IFT140: variants seen among roughly 807,000 people sequenced by gnomAD.
The protein encoded by IFT140 is intraflagellar transport 140.
Under a neutral mutation model 164.6 loss-of-function variants are expected in IFT140, and 133 were observed. The observed-to-expected ratio is 0.81, with a 90% CI of 0.70 to 0.93. The LOEUF is 0.93. Ranked by LOEUF, IFT140 falls within the 40% of genes least tolerant of loss-of-function variation. IFT140 has a pLI of 0.00. For missense variants in IFT140, 2,045 were observed against 1,972.3 expected (o/e 1.04, Z -0.70); for synonymous variants, 860 against 817.3 (o/e 1.05, Z -0.89).
At chr16:1,534,302 G>A (rs776193501) in intron 19 of IFT140, 20 of 1,612,344 alleles carry the variant, frequency 1.2e-5, no homozygotes, top group Non-Finnish European at 1.6e-5. Context: ...TCGTGGCCGC[G>A]GCCGTGCTGG....
chr16:1,551,785 G>C lies in IFT140; in HGVS notation c.2399+6150C>G, dbSNP rs555553553. Among the ~76,000 whole-genome samples, 3 of 152,150 alleles carry C rather than the reference G, an allele frequency of 2.0e-5. No individual in the cohort carries two copies. The highest frequency in any genetic ancestry group is 4.4e-5 in the Non-Finnish European group (3 of 68,016). ...CACACGTGCGTGGTCCGGCAGATCC[G>C]GCAAGATCAACTCTGCGGGACCTCC... On this transcript the variant is annotated intron_variant, in intron 19 of 30. Transcript: ENST00000426508. This position sits in a 1 kb window ranked among gnomAD's most constrained non-coding sequence, Gnocchi z 4.0.
chr16:1,601,752 C>T (rs1292702122), intron 4 of IFT140, among the ~76,000 whole-genome samples: 1 of 152,216 alleles, frequency 6.6e-6, no homozygotes, highest in East Asian at 1.9e-4. Flanking sequence ...TGGAAGGCAG[C>T]AGCCAGGGGA....
intron 4 of IFT140, among the ~76,000 whole-genome samples, chr16:1,600,618 G>C (rs564750556): frequency 6.6e-6 from 1 of 152,238 alleles, no homozygotes; most frequent in East Asian, 1.9e-4. Flanking sequence ...AGAAGAGCCG[G>C]TTTAAAGAAA....
At chr16:1,573,381 C>T (rs534224501) in intron 13 of IFT140, among the ~76,000 whole-genome samples, 31 of 152,120 alleles carry the variant, frequency 2.0e-4, no homozygotes, top group African/African-American at 7.5e-4. Flanking sequence ...GAGCTCAACT[C>T]TTTTACATTC....
At chr16:1,582,524 C>G (rs888134415) in intron 12 of IFT140, among the ~76,000 whole-genome samples, 3 of 152,248 alleles carry the variant, frequency 2.0e-5, no homozygotes, top group Admixed American at 2.0e-4. Flanking sequence ...TTTCCCACAT[C>G]TTTGTCTGAA....
intron 5 of IFT140, 36 bp from the exon 6 acceptor site, chr16:1,592,354 G>T (rs752292577): frequency 6.2e-7 from 1 of 1,613,750 alleles, no homozygotes; most frequent in Non-Finnish European, 8.5e-7. Flanking sequence ...AGATTCTTCT[G>T]CCACTCCTAC....
At position 1,510,563 on chromosome 16, in the gene IFT140, G is replaced by T; in HGVS notation, c.*381C>A. The T allele has an allele frequency of 3.1e-6, 1 of 323,608 alleles. No homozygotes were observed. The highest frequency in any genetic ancestry group is 5.7e-6 in the Non-Finnish European group (1 of 173,934). 20.0% of individuals were successfully genotyped at this position (323,608 alleles called of 1,614,324 possible). A position where few individuals can be genotyped will look rare whatever the true frequency, so the allele number is the denominator to read the frequency against. On this transcript the variant is annotated 3_prime_UTR_variant, in exon 31 of 31. Transcript: ENST00000426508. ...AGCCGTGGGCCCTGCAGGAGTATGGGGAGGATATGATGTGTGGGGAGCAGG... is the reference window on the plus strand; with the variant it reads ...AGCCGTGGGCCCTGCAGGAGTATGGTGAGGATATGATGTGTGGGGAGCAGG...
intron 4 of IFT140, among the ~76,000 whole-genome samples, chr16:1,597,594 A>C (rs2035530027): frequency 2.0e-5 from 3 of 152,210 alleles, no homozygotes; most frequent in African/African-American, 4.8e-5. Flanking sequence ...TGCAGTGTAG[A>C]GTTCCGAGTG....
chr16:1,542,184 T>TGTTGAGAGGTATGGCCTGC, intron 19 of IFT140: 1 of 1,265,162 alleles, frequency 7.9e-7, no homozygotes, highest in Non-Finnish European at 1.1e-6. Context: ...CTGCAGGCCA[T>TGTTGAGAGGTATGGCCTGC]ACCTCTCAAC....
At position 1,564,762 on chromosome 16, in the gene IFT140, G is replaced by A. The variant is rs891512358; in HGVS notation, c.1902-600C>T. ...ATGAGCCTCATTCGCCGCCCCCAGGGTGTCACGAACCCAGGCTGCAGAGTG... is the reference window on the plus strand; with the variant it reads ...ATGAGCCTCATTCGCCGCCCCCAGGATGTCACGAACCCAGGCTGCAGAGTG... On this transcript the variant is annotated intron_variant, in intron 16 of 30. Coordinates refer to ENST00000426508, the MANE Select transcript of IFT140 (RefSeq NM_014714.4). The surrounding 1 kb of genome is among the most constrained non-coding windows in gnomAD (Gnocchi z 5.5). Among the ~76,000 whole-genome samples the A allele has an allele frequency of 1.2e-4, 18 of 152,316 alleles. No individual in the cohort carries two copies. The highest frequency in any genetic ancestry group is 4.3e-4 in the African/African-American group (18 of 41,558).
At chr16:1,594,220 T>G (rs1340257073) in intron 4 of IFT140, among the ~76,000 whole-genome samples, 1 of 147,816 alleles carries the variant, frequency 6.8e-6, no homozygotes, top group Non-Finnish European at 1.5e-5. Flanking sequence ...ATAAAAAAAG[T>G]TTTTTGTTTT....
chr16:1,576,427 T>A (rs1596394023), intron 13 of IFT140, among the ~76,000 whole-genome samples: 1 of 148,528 alleles, frequency 6.7e-6, no homozygotes, highest in Admixed American at 6.8e-5. Flanking sequence ...CTGTCTCTAC[T>A]AAAAATACAA....
At chr16:1,574,818 C>A (rs889300225) in intron 13 of IFT140, among the ~76,000 whole-genome samples, 1 of 152,132 alleles carries the variant, frequency 6.6e-6, no homozygotes, top group Non-Finnish European at 1.5e-5. Context: ...CTGAAACATA[C>A]GCAGGGCTGG....
intron 13 of IFT140, among the ~76,000 whole-genome samples, chr16:1,571,771 G>T (rs2034027568): frequency 6.6e-6 from 1 of 152,174 alleles, no homozygotes; most frequent in Admixed American, 6.5e-5. Context: ...CTGTCCTCAG[G>T]AGAGCTCTGG....
chr16:1,560,950 G>A (rs941128290), intron 18 of IFT140, among the ~76,000 whole-genome samples: 3 of 152,234 alleles, frequency 2.0e-5, no homozygotes, highest in African/African-American at 7.2e-5. Flanking sequence ...ATGTTTCACA[G>A]AAATAAAAGC....
chr16:1,568,829 T>C (rs1445522356), intron 14 of IFT140, among the ~76,000 whole-genome samples: 2 of 152,210 alleles, frequency 1.3e-5, no homozygotes, highest in Non-Finnish European at 1.5e-5. Context: ...CCTTATGCTC[T>C]GTTTCCGCGA....
intron 16 of IFT140, among the ~76,000 whole-genome samples, chr16:1,565,464 C>A (rs2033660102): frequency 1.3e-5 from 2 of 151,302 alleles, no homozygotes; most frequent in South Asian, 4.2e-4. Flanking sequence ...TCCAGGGGGG[C>A]TGGACAGAAG....
intron 9 of IFT140, 137 bp downstream of exon 9, chr16:1,587,061 C>T (rs996804621): frequency 1.5e-6 from 1 of 658,996 alleles, no homozygotes; most frequent in South Asian, 1.8e-5. Context: ...TGCCCTTGCC[C>T]GACTATTTGA....
intron 30 of IFT140, among the ~76,000 whole-genome samples, chr16:1,517,315 G>C (rs1250546045): frequency 6.7e-6 from 1 of 149,142 alleles, no homozygotes; most frequent in Admixed American, 6.7e-5. Context: ...GCGCCACTGC[G>C]CTCCAGCCTG....
Sources: gnomAD v4.1 joint callset for allele counts (sites outside exome capture counted in the v4.1 genomes callset) on GRCh38, gnomAD v4.1.1 for gene constraint, Gnocchi (gnomAD v3.1) non-coding constraint, MANE v1.5 for transcripts, NCBI Gene and HGNC (gene_info 2026-07-23, HGNC 2026-07-21) for gene names.